NXN: variants seen among roughly 807,000 people sequenced by gnomAD.
The protein encoded by NXN is nucleoredoxin 1.
Under a neutral mutation model 48.6 loss-of-function variants are expected in NXN, and 16 were observed. The observed-to-expected ratio is 0.33, with a 90% confidence interval of 0.22 to 0.50. The LOEUF (loss-of-function observed/expected upper bound fraction) is 0.50, where lower values mean the gene tolerates loss of function less well. Ranked by LOEUF, NXN falls within the 20% of genes least tolerant of loss-of-function variation. The pLI is 0.98. For synonymous variants in NXN, 281 were observed against 269.6 expected (o/e 1.04, Z -0.41); for missense variants, 492 against 605.5 (o/e 0.81, Z 1.97).
At chr17:876,800 T>C (rs1436401702) in intron 1 of NXN, among the ~76,000 whole-genome samples, 2 of 151,918 alleles carry the variant, frequency 1.3e-5, no homozygotes, top group African/African-American at 4.8e-5. Context: ...TCCCAGCACT[T>C]TGGGAGGCTG....
At chr17:873,138 C>T (rs928018465) in intron 1 of NXN, among the ~76,000 whole-genome samples, 2 of 152,194 alleles carry the variant, frequency 1.3e-5, no homozygotes, top group African/African-American at 4.8e-5. Flanking sequence ...CCTGGGTCTC[C>T]AGCTTGCCAA....
At chr17:939,839 C>T (rs569792955) in intron 1 of NXN, among the ~76,000 whole-genome samples, 3 of 152,210 alleles carry the variant, frequency 2.0e-5, no homozygotes, top group Non-Finnish European at 2.9e-5. Context: ...ATTCGATGAT[C>T]CATTATTACT....
At chr17:970,398 T>TGG (rs145558334) in intron 1 of NXN, among the ~76,000 whole-genome samples, 3 of 148,498 alleles carry the variant, frequency 2.0e-5, no homozygotes, top group Non-Finnish European at 4.5e-5. Flanking sequence ...AAGGGGGAGT[T>TGG]GGGGGGCCCT....
At position 856,888 on chromosome 17, in the gene NXN, C is replaced by T. The variant is rs1048269738; in HGVS notation, c.361-30810G>A. 3.3e-5 allele frequency among the ~76,000 whole-genome samples: 5 copies of T among 152,264 alleles called. No homozygotes were observed. In the East Asian group the frequency reaches 7.7e-4, roughly 23 times the overall value. On this transcript the variant is annotated intron_variant, in intron 1 of 7. Transcript: ENST00000336868. ...TCCTCTTTTCTTTCTGAGCCCTCCC[C>T]GGAACTGCCTTTCACATTCTGTTCA...
Position 939,491 on chromosome 17 carries a change from G to A in NXN, c.360+39828C>T, listed in dbSNP as rs143896787. 9.4e-3 allele frequency among the ~76,000 whole-genome samples: 1,430 copies of A among 152,020 alleles called. 17 individuals carry two copies. Among genetic ancestry groups the A allele is most frequent in the Admixed American group, 0.017 (264 of 15,238 alleles). ...CTCCCCAGTAGCAGGGATTACAGGT[G>A]CCCGCCACCACGCCTAATTAATTCC... On this transcript the variant is annotated intron_variant, in intron 1 of 7. Coordinates refer to ENST00000336868, the MANE Select transcript of NXN (RefSeq NM_022463.5).
chr17:925,671 G>A (rs1276285959), intron 1 of NXN, among the ~76,000 whole-genome samples: 1 of 152,222 alleles, frequency 6.6e-6, no homozygotes, highest in Non-Finnish European at 1.5e-5. Flanking sequence ...TGACAGGCGT[G>A]AGCCACTGTG....
At chr17:812,597 G>A (rs192231190) in intron 5 of NXN, among the ~76,000 whole-genome samples, 78 of 151,842 alleles carry the variant, frequency 5.1e-4, no homozygotes, top group African/African-American at 1.7e-3. Context: ...GTGTGATGGC[G>A]CGAGTGTGCA....
At chr17:918,384 T>G (rs191690193) in intron 1 of NXN, among the ~76,000 whole-genome samples, 1 of 152,274 alleles carries the variant, frequency 6.6e-6, no homozygotes, top group East Asian at 1.9e-4. Flanking sequence ...ATCGCAGCGT[T>G]TCATCTCCTT....
chr17:924,724 G>A (rs970966756), intron 1 of NXN, among the ~76,000 whole-genome samples: 70 of 151,962 alleles, frequency 4.6e-4, no homozygotes, highest in Non-Finnish European at 7.1e-4. Flanking sequence ...ACTCCGTTCC[G>A]TTCCGTTCCG....
chr17:929,376 G>A (rs921831884), intron 1 of NXN, among the ~76,000 whole-genome samples: 7 of 152,218 alleles, frequency 4.6e-5, no homozygotes, highest in Non-Finnish European at 8.8e-5. Flanking sequence ...GACTGTGCAC[G>A]AAACTCCAGC....
rs574336131 is a variant in NXN, at chr17:968,363, G to A, written c.360+10956C>T. Among the ~76,000 whole-genome samples, 44 of 152,258 alleles carry A rather than the reference G, an allele frequency of 2.9e-4. No homozygotes were observed. In the South Asian group the frequency reaches 6.8e-3, roughly 24 times the overall value. On this transcript the variant is annotated intron_variant, in intron 1 of 7. Coordinates refer to ENST00000336868, the MANE Select transcript of NXN (RefSeq NM_022463.5). ...GGTGCGGGATCCATTCAGTAAAACCGAGCACCTGATTAGTCAAAGAGATGA... is the reference window on the plus strand; with the variant it reads ...GGTGCGGGATCCATTCAGTAAAACCAAGCACCTGATTAGTCAAAGAGATGA...
intron 1 of NXN, among the ~76,000 whole-genome samples, chr17:947,883 CAAAA>C (rs71145800): frequency 8.4e-6 from 1 of 119,250 alleles, no homozygotes; most frequent in Non-Finnish European, 1.7e-5. Flanking sequence ...TACTGAAATA[CAAAA>C]AAAAAAAAAA....
At chr17:963,852 C>T (rs2069269087) in intron 1 of NXN, among the ~76,000 whole-genome samples, 1 of 151,186 alleles carries the variant, frequency 6.6e-6, no homozygotes, top group African/African-American at 2.4e-5. Context: ...CCGAGGAGGG[C>T]AGATCACGAG....
chr17:957,187 A>G (rs2069180291), intron 1 of NXN, among the ~76,000 whole-genome samples: 1 of 152,020 alleles, frequency 6.6e-6, no homozygotes, highest in African/African-American at 2.4e-5. Context: ...TACGATGAAA[A>G]CATCTGGCTT....
At position 800,989 on chromosome 17, in the gene NXN, T is replaced by TTG; in HGVS notation, c.1267_1268insCA (p.Asn423ThrfsTer5). The TTG allele has an allele frequency of 6.5e-7, 1 of 1,544,356 alleles. No homozygotes were observed. Among genetic ancestry groups the TTG allele is most frequent in the Non-Finnish European group, 8.8e-7 (1 of 1,142,674 alleles). ...TTTGAGCTTCTCTGCTAGGAAGTCA[T>TTG]TCACAAAGGCCTCCACGATGGCGGG... On this transcript the variant is annotated frameshift_variant, in exon 8 of 8. Coordinates refer to ENST00000336868, the MANE Select transcript of NXN (RefSeq NM_022463.5). LOFTEE classifies it high-confidence loss of function.
intron 1 of NXN, among the ~76,000 whole-genome samples, chr17:857,410 A>G (rs2067997584): frequency 6.6e-6 from 1 of 151,960 alleles, no homozygotes; most frequent in South Asian, 2.1e-4. Flanking sequence ...ACAGGCACGC[A>G]CCACCACACC....
At chr17:861,421 G>A (rs373177644) in intron 1 of NXN, among the ~76,000 whole-genome samples, 3 of 151,850 alleles carry the variant, frequency 2.0e-5, no homozygotes, top group East Asian at 3.9e-4. Context: ...GGCGTGAGCC[G>A]CCGCGCCTGA....
chr17:848,067 T>C (rs2067884297), intron 1 of NXN, among the ~76,000 whole-genome samples: 1 of 152,088 alleles, frequency 6.6e-6, no homozygotes, highest in Non-Finnish European at 1.5e-5. Flanking sequence ...AGAGGTTCTC[T>C]GTGGTCCCTG....
intron 1 of NXN, among the ~76,000 whole-genome samples, chr17:899,873 G>A (rs528002058): frequency 1.8e-4 from 28 of 152,264 alleles, no homozygotes; most frequent in African/African-American, 6.7e-4. Context: ...CTGAGTGACA[G>A]AGTGAGACCC....
Sources: gnomAD v4.1 joint callset for allele counts (sites outside exome capture counted in the v4.1 genomes callset) on GRCh38, gnomAD v4.1.1 for gene constraint, MANE v1.5 for transcripts, NCBI Gene and HGNC (gene_info 2026-07-23, HGNC 2026-07-21) for gene names.